Variants in AGAP1 observed in about 807,000 individuals in gnomAD.
The protein encoded by AGAP1 is ArfGAP with GTPase domain, ankyrin repeat and PH domain 1, also known as arf-GAP with GTPase, ANK repeat and PH domain-containing protein 1.
In AGAP1, 29 loss-of-function variants were observed where a neutral mutation model predicts 105.3. The observed-to-expected ratio is 0.28, with a 90% CI of 0.21 to 0.38. The LOEUF (loss-of-function observed/expected upper bound fraction) is 0.38. AGAP1 is among the 10% of genes least tolerant of loss of function. The pLI, the probability that AGAP1 is intolerant of heterozygous loss-of-function variation, is 1.00. For missense variants in AGAP1, 998 were observed against 1,165.1 expected, an observed-to-expected ratio of 0.86 and a Z score of 2.09; for synonymous variants, 509 against 485.9, an observed-to-expected ratio of 1.05 and a Z score of -0.63.
intron 6 of AGAP1, among the ~76,000 whole-genome samples, chr2:235,775,248 G>T (rs765628165): frequency 6.6e-6 from 1 of 152,154 alleles, no homozygotes; most frequent in Non-Finnish European, 1.5e-5. Context: ...TTTGGCACAG[G>T]ATTTTGTCAT....
At chr2:235,686,614 G>GATATATAT (rs1380519556) in intron 1 of AGAP1, among the ~76,000 whole-genome samples, 1 of 37,926 alleles carries the variant, frequency 2.6e-5, no homozygotes, top group Non-Finnish European at 5.1e-5. Flanking sequence ...TATACGTGGA[G>GATATATAT]ATATAGATAT....
At position 235,983,468 on chromosome 2, in the gene AGAP1, TTTC is replaced by T. The variant is rs1240194870; in HGVS notation, c.1645+14851_1645+14853del. Reference sequence around the variant, plus strand: ...CTTGCTTCTCTTGTTTAATTTCTTTTTTCTTCTTTTCCCATCCATAACCTCATC... The same window carrying T: ...CTTGCTTCTCTTGTTTAATTTCTTTTTTCTTTTCCCATCCATAACCTCATC... On this transcript the variant is annotated intron_variant, in intron 13 of 17. Coordinates refer to ENST00000304032, the MANE Select transcript of AGAP1 (RefSeq NM_001037131.3). The surrounding 1 kb of genome is among the most constrained non-coding windows in gnomAD (Gnocchi z 4.5). 1.3e-5 allele frequency among the ~76,000 whole-genome samples: 2 copies of T among 152,220 alleles called. No individual in the cohort carries two copies. The highest frequency in any genetic ancestry group is 6.5e-5 in the Admixed American group (1 of 15,282).
At chr2:235,966,600 G>C (rs2054410414) in intron 12 of AGAP1, among the ~76,000 whole-genome samples, 1 of 152,160 alleles carries the variant, frequency 6.6e-6, no homozygotes, top group African/African-American at 2.4e-5. Context: ...CCTTAAAGTG[G>C]TGAAGGGAAC....
At position 236,119,354 on chromosome 2, in the gene AGAP1, T is replaced by G. The variant is rs1294838775; in HGVS notation, c.2115-838T>G. Reference sequence around the variant, plus strand: ...ATTCCTGACATTCTGTCCTTTCCACTTAAGCCTTCCCCAAGTATCTGGAGA... The same window carrying G: ...ATTCCTGACATTCTGTCCTTTCCACGTAAGCCTTCCCCAAGTATCTGGAGA... On this transcript the variant is annotated intron_variant, in intron 16 of 17. Transcript: ENST00000304032. The surrounding 1 kb of genome is among the most constrained non-coding windows in gnomAD (Gnocchi z 6.6). Among the ~76,000 whole-genome samples the G allele has an allele frequency of 6.6e-6, 1 of 152,186 alleles. No homozygotes were observed. Among genetic ancestry groups the G allele is most frequent in the East Asian group, 1.9e-4 (1 of 5,192 alleles).
At position 235,690,605 on chromosome 2, in the gene AGAP1, C is replaced by A. The variant is rs1335865899; in HGVS notation, c.164-18574C>A. Among the ~76,000 whole-genome samples, 2 of 152,166 alleles carry A rather than the reference C, an allele frequency of 1.3e-5. No homozygotes were observed. Among genetic ancestry groups the A allele is most frequent in the African/African-American group, 4.8e-5 (2 of 41,440 alleles). On this transcript the variant is annotated intron_variant, in intron 1 of 17. Coordinates refer to ENST00000304032, the MANE Select transcript of AGAP1 (RefSeq NM_001037131.3). The surrounding 1 kb of genome is among the most constrained non-coding windows in gnomAD (Gnocchi z 4.1). ...GAATGGATATTGCTAAAGCTGAGAG[C>A]TACAGCAGAGCGTCTGCTTGAGGAG...
intron 1 of AGAP1, among the ~76,000 whole-genome samples, chr2:235,672,754 A>T (rs1196908795): frequency 6.6e-6 from 1 of 152,224 alleles, no homozygotes; most frequent in Non-Finnish European, 1.5e-5. Flanking sequence ...AAACGCACAG[A>T]CATGATTTAG....
intron 12 of AGAP1, among the ~76,000 whole-genome samples, chr2:235,933,082 G>A (rs906779330): frequency 5.3e-5 from 8 of 152,226 alleles, no homozygotes; most frequent in African/African-American, 1.9e-4. Flanking sequence ...AGCCTGCTGA[G>A]GGACATGGAA....
rs1198150324 is a variant in AGAP1, at chr2:236,038,849, G to A, written c.1801-1902G>A. 2.7e-5 allele frequency among the ~76,000 whole-genome samples: 4 copies of A among 148,774 alleles called. No individual in the cohort carries two copies. Among genetic ancestry groups the A allele is most frequent in the Non-Finnish European group, 5.9e-5 (4 of 67,516 alleles). On this transcript the variant is annotated intron_variant, in intron 14 of 17. Transcript: ENST00000304032. This position sits in a 1 kb window ranked among gnomAD's most constrained non-coding sequence, Gnocchi z 4.5. ...TGTGTGTGTGTGTGTGTGTGTGTGT[G>A]ATCACACACTTGCATTCCAGATGCC... is the stretch of plus-strand genomic sequence containing the variant.
chr2:236,069,684 A>G (rs936431353), intron 16 of AGAP1, among the ~76,000 whole-genome samples: 36 of 152,184 alleles, frequency 2.4e-4, no homozygotes, highest in African/African-American at 8.7e-4. Flanking sequence ...TCAGCCTCCC[A>G]AAGTGCTGGG....
chr2:235,783,377 C>T (rs765113701), intron 6 of AGAP1: 4 of 471,126 alleles, frequency 8.5e-6, no homozygotes, highest in Non-Finnish European at 1.8e-5. Context: ...CTTGCTCATC[C>T]TTGGCCGGAC....
Position 235,720,215 on chromosome 2 carries a change from G to A in AGAP1, c.310+2571G>A, listed in dbSNP as rs1425574353. Among the ~76,000 whole-genome samples, 1 of 152,204 alleles carries A rather than the reference G, an allele frequency of 6.6e-6. No homozygotes were observed. The highest frequency in any genetic ancestry group is 1.5e-5 in the Non-Finnish European group (1 of 68,046). On this transcript the variant is annotated intron_variant, in intron 3 of 17. Transcript: ENST00000304032. The surrounding 1 kb of genome is among the most constrained non-coding windows in gnomAD (Gnocchi z 5.0). ...ATTCCCTCTCATGCTCAGGGAGCCT[G>A]TACCTGGAAAGTGATTTCAATTTTT...
At position 235,556,367 on chromosome 2, in the gene AGAP1, A is replaced by G. The variant is rs565272152; in HGVS notation, c.163+61518A>G. Among the ~76,000 whole-genome samples the G allele has an allele frequency of 6.6e-6, 1 of 152,340 alleles. No homozygotes were observed. The highest frequency in any genetic ancestry group is 2.4e-5 in the African/African-American group (1 of 41,574). On this transcript the variant is annotated intron_variant, in intron 1 of 17. Coordinates refer to ENST00000304032, the MANE Select transcript of AGAP1 (RefSeq NM_001037131.3). This position sits in a 1 kb window ranked among gnomAD's most constrained non-coding sequence, Gnocchi z 5.3. ...CTACCCTTTGCTCCAGTGGCTACAGAAGAGAGAGGAGGGACACTGACCCCA... is the reference window on the plus strand; with the variant it reads ...CTACCCTTTGCTCCAGTGGCTACAGGAGAGAGAGGAGGGACACTGACCCCA...
At position 235,906,502 on chromosome 2, in the gene AGAP1, G is replaced by GC. The variant is rs1252329418; in HGVS notation, c.1156-2234dup. Among the ~76,000 whole-genome samples, 1 of 152,138 alleles carries GC rather than the reference G, an allele frequency of 6.6e-6. No individual in the cohort carries two copies. The highest frequency in any genetic ancestry group is 1.5e-5 in the Non-Finnish European group (1 of 68,016). ...GCCTGCTGGGGTTCTGTATTTATCT[G>GC]CCAGAGTGTCCCCCGCCAGTGTGGC... On this transcript the variant is annotated intron_variant, in intron 10 of 17. Transcript: ENST00000304032. The surrounding 1 kb of genome is among the most constrained non-coding windows in gnomAD (Gnocchi z 5.3).
chr2:235,712,438 T>C lies in AGAP1; in HGVS notation c.222+3201T>C, dbSNP rs1950901844. 6.6e-6 allele frequency among the ~76,000 whole-genome samples: 1 copy of C among 152,252 alleles called. No individual in the cohort carries two copies. Among genetic ancestry groups the C allele is most frequent in the South Asian group, 2.1e-4 (1 of 4,838 alleles). ...CCCAACAGCAAAAGCTTGATGCTTC[T>C]GTCAGAGGGGAAGGCACATAGGCTC... On this transcript the variant is annotated intron_variant, in intron 2 of 17. Transcript: ENST00000304032. The surrounding 1 kb of genome is among the most constrained non-coding windows in gnomAD (Gnocchi z 6.0).
intron 11 of AGAP1, among the ~76,000 whole-genome samples, chr2:235,915,833 G>A (rs765813306): frequency 1.1e-4 from 17 of 152,184 alleles, no homozygotes; most frequent in Non-Finnish European, 2.4e-4. Flanking sequence ...AAGCAAGTAA[G>A]GATATCTGAA....
rs1306806140 is a variant in AGAP1 at position 235,692,564 on chromosome 2, C to G, written c.164-16615C>G. Reference sequence around the variant, plus strand: ...CGCCCTGCTGCCCCTATGCTCTCCCCCCTTGCCCTCCCCCCTTGCCTTCCT... The same window carrying G: ...CGCCCTGCTGCCCCTATGCTCTCCCGCCTTGCCCTCCCCCCTTGCCTTCCT... On this transcript the variant is annotated intron_variant, in intron 1 of 17. Transcript: ENST00000304032. This position sits in a 1 kb window ranked among gnomAD's most constrained non-coding sequence, Gnocchi z 5.8. 6.6e-6 allele frequency among the ~76,000 whole-genome samples: 1 copy of G among 150,394 alleles called. No homozygotes were observed. Among genetic ancestry groups the G allele is most frequent in the African/African-American group, 2.5e-5 (1 of 39,846 alleles).
rs1336087864 is a variant in AGAP1, at chr2:235,723,956, C to T, written c.310+6312C>T. ...GAAAGTGGCAAAAGGAGGGCCGGGG[C>T]CTGCCTGCCACTGAGGCCCAGCGGC... On this transcript the variant is annotated intron_variant, in intron 3 of 17. Coordinates refer to ENST00000304032, the MANE Select transcript of AGAP1 (RefSeq NM_001037131.3). The surrounding 1 kb of genome is among the most constrained non-coding windows in gnomAD (Gnocchi z 6.2). Among the ~76,000 whole-genome samples, 1 of 152,126 alleles carries T rather than the reference C, an allele frequency of 6.6e-6. No homozygotes were observed. The highest frequency in any genetic ancestry group is 2.4e-5 in the African/African-American group (1 of 41,424).
In AGAP1 at chr2:235,642,991, C is replaced by T. The variant is rs1947248579; in HGVS notation, c.164-66188C>T. 6.6e-6 allele frequency among the ~76,000 whole-genome samples: 1 copy of T among 152,072 alleles called. No homozygotes were observed. Among genetic ancestry groups the T allele is most frequent in the Admixed American group, 6.6e-5 (1 of 15,258 alleles). The stretch of plus-strand genomic sequence containing the variant: ...GGTGGAGGTGACTGTAGGATTAGCC[C>T]CGGCTTTGCAGCAGGTTTTCTTGGG... On this transcript the variant is annotated intron_variant, in intron 1 of 17. Transcript: ENST00000304032. The surrounding 1 kb of genome is among the most constrained non-coding windows in gnomAD (Gnocchi z 4.1).
Position 236,083,153 on chromosome 2 carries a change from CAAAAA to C in AGAP1, c.2114+33877_2114+33881del, listed in dbSNP as rs373652440. Among the ~76,000 whole-genome samples the C allele has an allele frequency of 4.9e-5, 7 of 142,704 alleles. No individual in the cohort carries two copies. Among genetic ancestry groups the C allele is most frequent in the Admixed American group, 1.4e-4 (2 of 13,880 alleles). The allele number at this position is 142,704 out of a possible 152,430, so 93.6% of individuals were successfully genotyped here. On this transcript the variant is annotated intron_variant, in intron 16 of 17. Transcript: ENST00000304032. The surrounding 1 kb of genome is among the most constrained non-coding windows in gnomAD (Gnocchi z 5.3). The stretch of plus-strand genomic sequence containing the variant: ...CTAGGCAACGAGCGAAATTCCATCT[CAAAAA>C]AAAAGAAAAAGAAAAGAGGCCTCGC...
Sources: allele counts gnomAD v4.1 joint callset (sites outside exome capture counted in the v4.1 genomes callset), GRCh38; gene constraint gnomAD v4.1.1; non-coding constraint Gnocchi (gnomAD v3.1); transcripts MANE v1.5; gene names NCBI Gene and HGNC (gene_info 2026-07-23, HGNC 2026-07-21).